The following RNF144A variants were observed in gnomAD, a reference collection of about 807,000 sequenced individuals.
RNF144A encodes the protein E3 ubiquitin-protein ligase RNF144A.
A neutral mutation model predicts 38.7 loss-of-function variants in RNF144A; 11 were observed. The observed-to-expected ratio is 0.28, with a 90% CI of 0.18 to 0.47. The LOEUF (loss-of-function observed/expected upper bound fraction) is 0.47, where lower values mean the gene tolerates loss of function less well. Among genes scored for constraint, RNF144A ranks in the 20% least tolerant of loss-of-function variants. The pLI, the probability that RNF144A is intolerant of heterozygous loss-of-function variation, is 0.99. For synonymous variants in RNF144A, 149 were observed against 143.9 expected (o/e 1.04, Z -0.25); for missense variants, 316 against 377.2 (o/e 0.84, Z 1.34).
chr2:7,036,752 T>A (rs1183722702), intron 8 of RNF144A, among the ~76,000 whole-genome samples: 1 of 152,218 alleles, frequency 6.6e-6, no homozygotes, highest in Non-Finnish European at 1.5e-5. Context: ...ATTAATAGTG[T>A]TCCATTCACC....
At chr2:7,025,895 C>T (rs759320221) in intron 7 of RNF144A, among the ~76,000 whole-genome samples, 2 of 152,128 alleles carry the variant, frequency 1.3e-5, no homozygotes, top group East Asian at 1.9e-4. Context: ...TGGGGCAGGG[C>T]GGACAGTCAG....
At chr2:6,985,864 CG>C (rs2103370770) in intron 2 of RNF144A, among the ~76,000 whole-genome samples, 1 of 152,178 alleles carries the variant, frequency 6.6e-6, no homozygotes, top group East Asian at 1.9e-4. Flanking sequence ...TTAGTAGAGG[CG>C]GGGTTTCACC....
At chr2:6,985,761 C>A (rs1488229143) in intron 2 of RNF144A, among the ~76,000 whole-genome samples, 1 of 152,212 alleles carries the variant, frequency 6.6e-6, no homozygotes, top group South Asian at 2.1e-4. Flanking sequence ...CAAGCTCCGC[C>A]TCCTGGGTTC....
intron 1 of RNF144A, among the ~76,000 whole-genome samples, chr2:6,930,836 C>G (rs996265576): frequency 6.6e-6 from 1 of 152,126 alleles, no homozygotes; most frequent in South Asian, 2.1e-4. Context: ...TCAAGCAATT[C>G]TCTCACCTCG....
rs914270997 is a variant in RNF144A at position 6,947,687 on chromosome 2, G to GT, written c.-12+6545dup. ...TGGGGGCATGCAAAGGGCCTGAGTA[G>GT]TTTTTAAAAATTATTTTAAGCCGTA... On this transcript the variant is annotated intron_variant, in intron 2 of 8. Transcript: ENST00000320892. Among the ~76,000 whole-genome samples, 46 of 152,300 alleles carry GT rather than the reference G, an allele frequency of 3.0e-4. 1 individual carries two copies. In the East Asian group the frequency reaches 8.9e-3, roughly 29 times the overall value.
intron 2 of RNF144A, among the ~76,000 whole-genome samples, chr2:6,973,348 T>A (rs935707031): frequency 1.3e-5 from 2 of 152,252 alleles, no homozygotes; most frequent in African/African-American, 4.8e-5. Context: ...TGTCATTAAC[T>A]GTTTAACCAC....
At chr2:7,051,531 G>A (rs887751512) in intron 6 of RNF144A, among the ~76,000 whole-genome samples, 1 of 152,184 alleles carries the variant, frequency 6.6e-6, no homozygotes, top group Non-Finnish European at 1.5e-5. Flanking sequence ...GCCAAAAGGA[G>A]CAGCGAAGAG....
intron 3 of RNF144A, among the ~76,000 whole-genome samples, chr2:7,001,415 G>T (rs1670093929): frequency 6.6e-6 from 1 of 152,080 alleles, no homozygotes; most frequent in African/African-American, 2.4e-5. Context: ...AGTGTCTCCT[G>T]CCTGTAATCC....
Position 7,041,347 on chromosome 2 carries a change from C to T in RNF144A, c.*1587C>T, listed in dbSNP as rs3732330. On this transcript the variant is annotated 3_prime_UTR_variant, in exon 9 of 9. Transcript: ENST00000320892. Reference sequence around the variant, plus strand: ...ATTTCTTATTTCCTAACATTGAATTCGTTAGAAAAAACAGCGTCACCTCAC... The same window carrying T: ...ATTTCTTATTTCCTAACATTGAATTTGTTAGAAAAAACAGCGTCACCTCAC... The T allele has an allele frequency of 0.097, 95,150 of 985,374 alleles. 6,607 individuals carry two copies. Among genetic ancestry groups the T allele is most frequent in the East Asian group, 0.55 (4,857 of 8,770 alleles). 61.0% of individuals were successfully genotyped at this position (985,374 alleles called of 1,614,324 possible).
chr2:7,039,941 G>A lies in RNF144A; in HGVS notation c.*181G>A, dbSNP rs1672946330. Reference sequence around the variant, plus strand: ...TGTCACAATGTTCGCTGAGGCCCCAGGTGTGGTGGGGAGGGGAGGCAGGTG... The same window carrying A: ...TGTCACAATGTTCGCTGAGGCCCCAAGTGTGGTGGGGAGGGGAGGCAGGTG... On this transcript the variant is annotated 3_prime_UTR_variant, in exon 9 of 9. Transcript: ENST00000320892. 2 of 1,413,614 alleles carry A rather than the reference G, an allele frequency of 1.4e-6. No homozygotes were observed. Among genetic ancestry groups the A allele is most frequent in the African/African-American group, 1.4e-5 (1 of 69,048 alleles). The allele number at this position is 1,413,614 out of a possible 1,614,324, so 87.6% of individuals were successfully genotyped here.
chr2:6,986,045 G>A (rs1004547548), intron 2 of RNF144A, among the ~76,000 whole-genome samples: 2 of 152,142 alleles, frequency 1.3e-5, no homozygotes, highest in African/African-American at 4.8e-5. Context: ...GCCTCTCACT[G>A]ATGAGCAGAG....
rs1673060588 is a variant in RNF144A, at chr2:7,041,791, A to T, written c.*2031A>T. The T allele has an allele frequency of 4.1e-6, 4 of 985,580 alleles. No individual in the cohort carries two copies. Among genetic ancestry groups the T allele is most frequent in the Non-Finnish European group, 4.8e-6 (4 of 830,070 alleles). 61.1% of individuals were successfully genotyped at this position (985,580 alleles called of 1,614,324 possible). On this transcript the variant is annotated 3_prime_UTR_variant, in exon 9 of 9. Coordinates refer to ENST00000320892, the MANE Select transcript of RNF144A (RefSeq NM_014746.6). ...TGAAATTGCTGCTGCCCATCGCATG[A>T]GCCCACACAGTAGCACCCCCGTCCT... is the stretch of plus-strand genomic sequence containing the variant.
chr2:7,061,619 G>A (rs989581037), intron 6 of RNF144A, among the ~76,000 whole-genome samples: 1 of 152,126 alleles, frequency 6.6e-6, no homozygotes, highest in Non-Finnish European at 1.5e-5. Flanking sequence ...ATAGGGCTTA[G>A]GCAAGTCTTC....
chr2:7,042,803 CT>C lies in RNF144A; in HGVS notation c.*3044del. ...GAATAACTGTCCAAATTAGTTCTTC[CT>C]CCTCAACTCATAGGAGTAGCTGTGG... On this transcript the variant is annotated 3_prime_UTR_variant, in exon 9 of 9. Coordinates refer to ENST00000320892, the MANE Select transcript of RNF144A (RefSeq NM_014746.6). The C allele has an allele frequency of 1.0e-6, 1 of 985,442 alleles. No individual in the cohort carries two copies. 61.0% of individuals were successfully genotyped at this position (985,442 alleles called of 1,614,324 possible).
chr2:7,019,706 G>A (rs1671388272), intron 5 of RNF144A, among the ~76,000 whole-genome samples: 1 of 152,184 alleles, frequency 6.6e-6, no homozygotes, highest in Admixed American at 6.5e-5. Context: ...TCCTACAAAG[G>A]GCAGCCAATA....
chr2:7,014,047 A>G (rs548260285), intron 3 of RNF144A, among the ~76,000 whole-genome samples: 1 of 152,362 alleles, frequency 6.6e-6, no homozygotes, highest in Non-Finnish European at 1.5e-5. Flanking sequence ...TTTCTTGTAA[A>G]AATGCTCTAA....
intron 3 of RNF144A, among the ~76,000 whole-genome samples, chr2:7,011,724 G>A (rs1670822371): frequency 6.6e-6 from 1 of 152,234 alleles, no homozygotes; most frequent in East Asian, 1.9e-4. Context: ...ACCTATTTTT[G>A]TGCTCATTTC....
At chr2:6,926,543 G>A (rs1464810308) in intron 1 of RNF144A, among the ~76,000 whole-genome samples, 1 of 152,212 alleles carries the variant, frequency 6.6e-6, no homozygotes. Flanking sequence ...GCGGCTTCAA[G>A]GTTGCAGGTG....
intron 1 of RNF144A, among the ~76,000 whole-genome samples, chr2:6,940,497 G>C (rs956070159): frequency 1.3e-5 from 2 of 151,562 alleles, no homozygotes; most frequent in African/African-American, 2.4e-5. Context: ...GTGTTCTTCT[G>C]TTCTTCCGTT....
Sources: allele counts gnomAD v4.1 joint callset (sites outside exome capture counted in the v4.1 genomes callset), GRCh38; gene constraint gnomAD v4.1.1; transcripts MANE v1.5; gene names NCBI Gene and HGNC (gene_info 2026-07-23, HGNC 2026-07-21).